The following BACE2 variants were observed in gnomAD, a reference collection of about 807,000 sequenced individuals.
The protein encoded by BACE2 is beta-secretase 2.
Under a neutral mutation model 46.2 loss-of-function variants are expected in BACE2, and 17 were observed. The ratio of observed to expected loss-of-function variants is 0.37; its 90% CI spans 0.25 to 0.55. The LOEUF (loss-of-function observed/expected upper bound fraction) is 0.55. Ranked by LOEUF, BACE2 falls within the 20% of genes least tolerant of loss-of-function variation. The pLI, the probability that BACE2 is intolerant of heterozygous loss-of-function variation, is 0.82. For synonymous variants in BACE2, 277 were observed against 295.9 expected (o/e 0.94, Z 0.66); for missense variants, 595 against 698.1 (o/e 0.85, Z 1.66).
intron 1 of BACE2, among the ~76,000 whole-genome samples, chr21:41,212,453 A>G (rs1478717130): frequency 1.3e-5 from 2 of 152,166 alleles, no homozygotes; most frequent in Non-Finnish European, 2.9e-5. Context: ...TAAGGTGAGG[A>G]CTGTGTGAGT....
rs1021413640 is a variant in BACE2 at position 41,276,576 on chromosome 21, T to G, written c.*952T>G. Reference sequence around the variant, plus strand: ...TTGCTTAAAATTAATAAATCATGTTTTGATGAGAAAAAACTATTCTATTTC... The same window carrying G: ...TTGCTTAAAATTAATAAATCATGTTGTGATGAGAAAAAACTATTCTATTTC... On this transcript the variant is annotated 3_prime_UTR_variant, in exon 9 of 9. Transcript: ENST00000330333. The G allele has an allele frequency of 1.3e-5, 2 of 152,250 alleles. No homozygotes were observed. The highest frequency in any genetic ancestry group is 4.8e-5 in the African/African-American group (2 of 41,454). The allele number at this position is 152,250 out of a possible 1,614,324, so 9.4% of individuals were successfully genotyped here.
rs114382742 is a variant in BACE2 at position 41,266,370 on chromosome 21, A to G, written c.1304-9001A>G. ...TAGACTTTTTTCTCGTTTGCTTTGC[A>G]ATTTTTTGTTGTGAGCTTATATTTA... On this transcript the variant is annotated intron_variant, in intron 8 of 8. Transcript: ENST00000330333. Among the ~76,000 whole-genome samples the G allele has an allele frequency of 7.1e-3, 1,079 of 152,154 alleles. 12 individuals carry two copies. Among genetic ancestry groups the G allele is most frequent in the African/African-American group, 0.025 (1,034 of 41,506 alleles).
intron 1 of BACE2, among the ~76,000 whole-genome samples, chr21:41,199,717 T>C (rs2123526643): frequency 6.6e-6 from 1 of 152,302 alleles, no homozygotes; most frequent in East Asian, 1.9e-4. Context: ...TCCGCACTTC[T>C]AGCTTCTGAA....
intron 1 of BACE2, among the ~76,000 whole-genome samples, chr21:41,203,260 T>A (rs1340539311): frequency 6.6e-6 from 1 of 152,108 alleles, no homozygotes; most frequent in African/African-American, 2.4e-5. Flanking sequence ...GTGTCACAAG[T>A]TCATAATTAT....
At chr21:41,192,545 A>G (rs115846019) in intron 1 of BACE2, among the ~76,000 whole-genome samples, 3,192 of 152,256 alleles carry the variant, frequency 0.021, 96 homozygotes, top group African/African-American at 0.071. Context: ...TCTCAGAAGG[A>G]GAGTAGTTAT....
intron 1 of BACE2, among the ~76,000 whole-genome samples, chr21:41,196,746 T>TTGTGATAAAC (rs1985747738): frequency 6.6e-6 from 1 of 152,194 alleles, no homozygotes; most frequent in Non-Finnish European, 1.5e-5. Context: ...CTTTGGTAAG[T>TTGTGATAAAC]TGTGATAAAC....
chr21:41,270,183 T>C (rs542372488), intron 8 of BACE2, among the ~76,000 whole-genome samples: 1 of 152,312 alleles, frequency 6.6e-6, no homozygotes, highest in Non-Finnish European at 1.5e-5. Flanking sequence ...TTGTATAGGG[T>C]TGTTTGTTTT....
chr21:41,203,826 G>A (rs1259286407), intron 1 of BACE2, among the ~76,000 whole-genome samples: 1 of 152,196 alleles, frequency 6.6e-6, no homozygotes, highest in African/African-American at 2.4e-5. Context: ...AGACGGGGAT[G>A]GGTCAGGGAG....
At chr21:41,200,190 T>TAA (rs551561985) in intron 1 of BACE2, among the ~76,000 whole-genome samples, 4 of 125,034 alleles carry the variant, frequency 3.2e-5, no homozygotes, top group South Asian at 2.4e-4. Flanking sequence ...CAAGTATAAT[T>TAA]AAAAAAAAAA....
rs1223136138 is a variant in BACE2, at chr21:41,250,675, G to A, written c.985-77G>A. 2.1e-6 allele frequency: 3 copies of A among 1,410,634 alleles called. No individual in the cohort carries two copies. In the African/African-American group the frequency reaches 4.3e-5, roughly 20 times the overall value. The allele number at this position is 1,410,634 out of a possible 1,614,324, so 87.4% of individuals were successfully genotyped here. A position where few individuals can be genotyped will look rare whatever the true frequency, so the allele number is the denominator to read the frequency against. On this transcript the variant is annotated intron_variant, in intron 6 of 8. Coordinates refer to ENST00000330333, the MANE Select transcript of BACE2 (RefSeq NM_012105.5). ...ATCCCTGTGGGCATCTGGCGAGGTG[G>A]CTAGGAAAGCCTGGAGCTGTTTCCT...
At chr21:41,175,864 G>A (rs755903640) in intron 1 of BACE2, 1 of 152,198 alleles carries the variant, frequency 6.6e-6, no homozygotes, top group Non-Finnish European at 1.5e-5. Flanking sequence ...GACATCCAGA[G>A]CCCTTCCCAC....
At chr21:41,234,608 G>A (rs1046592206) in intron 2 of BACE2, among the ~76,000 whole-genome samples, 7 of 152,188 alleles carry the variant, frequency 4.6e-5, no homozygotes, top group Non-Finnish European at 8.8e-5. Flanking sequence ...TATTCTCCAA[G>A]CATTTCAAGA....
chr21:41,212,284 G>A (rs180724247), intron 1 of BACE2, among the ~76,000 whole-genome samples: 121 of 152,244 alleles, frequency 7.9e-4, no homozygotes, highest in Non-Finnish European at 1.4e-3. Flanking sequence ...GCGCTCTCAC[G>A]TACTTTTGTA....
intron 6 of BACE2, among the ~76,000 whole-genome samples, chr21:41,247,837 G>A (rs999762555): frequency 6.6e-6 from 1 of 152,236 alleles, no homozygotes; most frequent in African/African-American, 2.4e-5. Context: ...GTCTTGGGCA[G>A]GGAAAGCATC....
Position 41,275,550 on chromosome 21 carries a change from C to G in BACE2, c.1483C>G (p.Arg495Gly). The change falls in exon 9 of 9, where the codon CGG becomes GGG. Residue 495 changes from arginine to glycine, a missense_variant. Arg to Gly is a moderately radical substitution (Grantham distance 125). This residue lies in a region of BACE2 where 343 missense variants were observed against 419.4 expected (regional missense o/e 0.82). Coordinates refer to ENST00000330333, the MANE Select transcript of BACE2 (RefSeq NM_012105.5). The stretch of plus-strand genomic sequence containing the variant: ...AATCGTCCTGCTGCTGCTGCCGTTC[C>G]GGTGTCAGCGTCGCCCCCGTGACCC... The part of the protein sequence containing the change: ...VLIVLLLLPF[R>G]CQRRPRDPEV... 6.2e-7 allele frequency: 1 copy of G among 1,614,108 alleles called. No individual in the cohort carries two copies. The highest frequency in any genetic ancestry group is 8.5e-7 in the Non-Finnish European group (1 of 1,180,040).
intron 3 of BACE2, among the ~76,000 whole-genome samples, chr21:41,239,847 A>G (rs935907595): frequency 2.6e-5 from 4 of 152,164 alleles, no homozygotes; most frequent in African/African-American, 9.7e-5. Context: ...TCCTAAATAC[A>G]TTTTCAAAAT....
intron 1 of BACE2, among the ~76,000 whole-genome samples, chr21:41,203,500 A>G (rs1568866387): frequency 1.3e-5 from 2 of 151,886 alleles, no homozygotes; most frequent in African/African-American, 2.4e-5. Flanking sequence ...GGGGAGTGCT[A>G]TTGTTGAGAG....
chr21:41,226,158 C>A, intron 1 of BACE2, 108 bp from the exon 2 acceptor site: 3 of 823,436 alleles, frequency 3.6e-6, no homozygotes, highest in Non-Finnish European at 5.9e-6. Flanking sequence ...TTTGTTCCAA[C>A]TGATAAATTA....
chr21:41,265,251 ATT>A (rs1360287843), intron 8 of BACE2, among the ~76,000 whole-genome samples: 2 of 149,922 alleles, frequency 1.3e-5, no homozygotes, highest in Admixed American at 1.3e-4. Flanking sequence ...ATTGATAGGC[ATT>A]TAGGTTGTTT....
Sources: allele counts gnomAD v4.1 joint callset (sites outside exome capture counted in the v4.1 genomes callset), GRCh38; gene constraint gnomAD v4.1.1; regional missense constraint gnomAD v4.1.1; transcripts MANE v1.5; gene names NCBI Gene and HGNC (gene_info 2026-07-23, HGNC 2026-07-21).